Variants in PPP2R2C observed in about 807,000 individuals in gnomAD.
PPP2R2C encodes the protein protein phosphatase 2, regulatory subunit B, gamma.
In PPP2R2C, 10 loss-of-function variants were observed where a neutral mutation model predicts 45.3. The observed-to-expected ratio is 0.22, with a 90% CI of 0.14 to 0.37. The LOEUF (loss-of-function observed/expected upper bound fraction) is 0.37, where lower values mean the gene tolerates loss of function less well. PPP2R2C is among the 10% of genes least tolerant of loss of function. The probability of loss-of-function intolerance (pLI) is 1.00; values close to 1 mark genes in which losing one functional copy is unlikely to be tolerated. For synonymous variants in PPP2R2C, 257 were observed against 245.4 expected (o/e 1.05, Z -0.44); for missense variants, 308 against 619.7 (o/e 0.50, Z 5.34).
chr4:6,427,078 G>A (rs984306114), intron 1 of PPP2R2C, among the ~76,000 whole-genome samples: 1 of 152,202 alleles, frequency 6.6e-6, no homozygotes, highest in Non-Finnish European at 1.5e-5. Context: ...ACCTGGCAAC[G>A]CCATGTGCCA....
Position 6,366,800 on chromosome 4 carries a change from C to T in PPP2R2C, c.625+5723G>A, listed in dbSNP as rs186884878. ...GGGACCCAGCAGCTGAAGGAGTGAG[C>T]CAGTGTGACCCGAGAGGTGGGCAGG... On this transcript the variant is annotated intron_variant, in intron 5 of 8. Transcript: ENST00000382599. 3.7e-3 allele frequency among the ~76,000 whole-genome samples: 570 copies of T among 152,272 alleles called. 1 individual carries two copies. The highest frequency in any genetic ancestry group is 0.013 in the African/African-American group (536 of 41,544).
intron 1 of PPP2R2C, among the ~76,000 whole-genome samples, chr4:6,467,320 T>C (rs2108765108): frequency 6.6e-6 from 1 of 152,234 alleles, no homozygotes; most frequent in South Asian, 2.1e-4. Context: ...TGATGACAGT[T>C]CTAAGGGCTA....
rs568730411 is a variant in PPP2R2C at position 6,376,428 on chromosome 4, G to A, written c.335-497C>T. Among the ~76,000 whole-genome samples, 10 of 151,826 alleles carry A rather than the reference G, an allele frequency of 6.6e-5. No individual in the cohort carries two copies. The South Asian group carries it at 2.1e-3, about 32-fold the overall frequency. On this transcript the variant is annotated intron_variant, in intron 3 of 8. Coordinates refer to ENST00000382599, the MANE Select transcript of PPP2R2C (RefSeq NM_020416.4). ...GCTGAAAGATGACCTTTTCTGTAGA[G>A]AGGCAGGAAGAAAGTGACATGTCTT...
At chr4:6,348,495 C>T (rs1207012617) in intron 5 of PPP2R2C, among the ~76,000 whole-genome samples, 1 of 152,154 alleles carries the variant, frequency 6.6e-6, no homozygotes, top group Non-Finnish European at 1.5e-5. Context: ...AGTGTGTGGG[C>T]ATCTGGGAGC....
intron 5 of PPP2R2C, among the ~76,000 whole-genome samples, chr4:6,367,752 C>A (rs1714459249): frequency 6.6e-6 from 1 of 152,196 alleles, no homozygotes; most frequent in South Asian, 2.1e-4. Context: ...CTTGTCACTG[C>A]AGCAGCACCC....
rs566079249 is a variant in PPP2R2C, at chr4:6,441,404, C to T, written c.70+30756G>A. 1.6e-3 allele frequency among the ~76,000 whole-genome samples: 237 copies of T among 152,160 alleles called. 2 individuals carry two copies. The highest frequency in any genetic ancestry group is 3.2e-3 in the Non-Finnish European group (218 of 67,968). On this transcript the variant is annotated intron_variant, in intron 1 of 8. Transcript: ENST00000382599. The stretch of plus-strand genomic sequence containing the variant: ...AGGGGAGGAGCCACGCTCCTCAGCC[C>T]GCCCCATGAGCCCCATGGGGCCTCC...
intron 1 of PPP2R2C, among the ~76,000 whole-genome samples, chr4:6,538,777 G>A (rs113854083): frequency 6.6e-5 from 10 of 152,178 alleles, no homozygotes; most frequent in African/African-American, 1.7e-4. Flanking sequence ...GGCAGCAGAC[G>A]CGTGGAGCTG....
intron 4 of PPP2R2C, 72 bp from the exon 5 acceptor site, chr4:6,372,772 A>C: frequency 6.8e-7 from 1 of 1,479,016 alleles, no homozygotes; most frequent in Non-Finnish European, 9.4e-7. Context: ...TGCCGTGAGC[A>C]TGTGATCCCA....
intron 2 of PPP2R2C, among the ~76,000 whole-genome samples, chr4:6,532,223 G>T (rs1177825978): frequency 2.0e-5 from 3 of 152,214 alleles, no homozygotes; most frequent in African/African-American, 7.2e-5. Flanking sequence ...CCTCACGACT[G>T]CCTTGGTCAT....
chr4:6,437,608 G>A (rs1719954556), intron 1 of PPP2R2C, among the ~76,000 whole-genome samples: 1 of 152,192 alleles, frequency 6.6e-6, no homozygotes, highest in African/African-American at 2.4e-5. Flanking sequence ...CTTACTATCT[G>A]TTTTCTACAT....
rs548387791 is a variant in PPP2R2C at position 6,559,338 on chromosome 4, G to A, written c.-59+4222C>T. On this transcript the variant is annotated intron_variant, in intron 1 of 9. Coordinates refer to the PPP2R2C transcript ENST00000506140. The stretch of plus-strand genomic sequence containing the variant: ...ATAGAGTGTATAGTGCATAGTGCCC[G>A]TGCAGTGCCAGGCTCACAGAAGTGC... Among the ~76,000 whole-genome samples, 13 of 152,074 alleles carry A rather than the reference G, an allele frequency of 8.5e-5. No individual in the cohort carries two copies. The East Asian group carries it at 1.7e-3, about 20-fold the overall frequency.
intron 6 of PPP2R2C, 63 bp from the exon 7 acceptor site, chr4:6,333,794 G>C: frequency 6.4e-7 from 1 of 1,573,598 alleles, no homozygotes; most frequent in Non-Finnish European, 8.7e-7. Flanking sequence ...TTGGCACGAC[G>C]GATGACTCTG....
Position 6,381,107 on chromosome 4 carries a change from C to G in PPP2R2C, c.71-13G>C, listed in dbSNP as rs1455940418. 1.3e-6 allele frequency: 2 copies of G among 1,567,064 alleles called. No homozygotes were observed. The highest frequency in any genetic ancestry group is 1.8e-5 in the Admixed American group (1 of 54,114). ...GAGATGATGTCAGCTGGGAGGGGAA[C>G]AGCAAGACGGGAAGGGGTGGCTGTC... On this transcript the variant is annotated splice_polypyrimidine_tract_variant and intron_variant, in intron 1 of 8. Coordinates refer to ENST00000382599, the MANE Select transcript of PPP2R2C (RefSeq NM_020416.4).
intron 2 of PPP2R2C, among the ~76,000 whole-genome samples, chr4:6,493,796 C>A (rs1265395177): frequency 6.6e-6 from 1 of 152,070 alleles, no homozygotes. Flanking sequence ...CAGCCCCCAC[C>A]CTGATTAATG....
At chr4:6,543,897 C>T (rs535157224) in intron 1 of PPP2R2C, among the ~76,000 whole-genome samples, 13 of 152,316 alleles carry the variant, frequency 8.5e-5, no homozygotes, top group South Asian at 2.1e-4. Context: ...GTCTGCTCTC[C>T]GTAACACCCA....
At chr4:6,348,404 C>T (rs181734616) in intron 5 of PPP2R2C, among the ~76,000 whole-genome samples, 123 of 152,002 alleles carry the variant, frequency 8.1e-4, no homozygotes, top group Middle Eastern at 3.4e-3. Flanking sequence ...TATATTGTGC[C>T]GACTGCATGC....
intron 1 of PPP2R2C, among the ~76,000 whole-genome samples, chr4:6,554,190 G>A (rs1725283114): frequency 6.6e-6 from 1 of 152,174 alleles, no homozygotes. Context: ...ATGAGGCCAT[G>A]CTGGAGTAGG....
intron 8 of PPP2R2C, among the ~76,000 whole-genome samples, chr4:6,327,993 C>A (rs1221434492): frequency 1.3e-5 from 2 of 152,220 alleles, no homozygotes; most frequent in Non-Finnish European, 2.9e-5. Flanking sequence ...TCATCCCACA[C>A]ACCAACCCTG....
intron 2 of PPP2R2C, among the ~76,000 whole-genome samples, chr4:6,481,581 A>T (rs1343539269): frequency 6.6e-6 from 1 of 152,188 alleles, no homozygotes; most frequent in Non-Finnish European, 1.5e-5. Flanking sequence ...GTCAATATCA[A>T]GTAGGTCAAA....
Sources: gnomAD v4.1 joint callset for allele counts (sites outside exome capture counted in the v4.1 genomes callset) on GRCh38, gnomAD v4.1.1 for gene constraint, MANE v1.5 for transcripts, NCBI Gene and HGNC (gene_info 2026-07-23, HGNC 2026-07-21) for gene names.